SOX5: variants seen among roughly 807,000 people sequenced by gnomAD.
SOX5 encodes the protein SRY-box transcription factor 5.
Under a neutral mutation model 92.0 loss-of-function variants are expected in SOX5, and 9 were observed. That is an observed-to-expected ratio of 0.10 (90% CI 0.06 to 0.17). SOX5 has a LOEUF of 0.17. Among genes scored for constraint, SOX5 ranks in the 10% least tolerant of loss-of-function variants. The pLI is 1.00. For missense variants in SOX5, 642 were observed against 944.5 expected (o/e 0.68, Z 4.20); for synonymous variants, 344 against 336.3 (o/e 1.02, Z -0.25).
chr12:23,640,949 G>T, intron 7 of SOX5, 52 bp from the exon 8 acceptor site: 1 of 1,235,692 alleles, frequency 8.1e-7, no homozygotes, highest in East Asian at 2.4e-5. Context: ...CTCTCCACCT[G>T]CAAATTAAAC....
intron 4 of SOX5, among the ~76,000 whole-genome samples, chr12:23,976,269 T>C (rs1948875055): frequency 6.6e-6 from 1 of 151,172 alleles, no homozygotes; most frequent in African/African-American, 2.4e-5. Context: ...TACCAGACAG[T>C]TGTTTAATTC....
chr12:23,578,117 C>CAAAAAAAAA lies in SOX5; in HGVS notation c.1165-2288_1165-2280dup, dbSNP rs1163938652. On this transcript the variant is annotated intron_variant, in intron 9 of 14. Transcript: ENST00000451604. Reference sequence around the variant, plus strand: ...CCTGCGCAACAGAGTGAGACTGTGTCAAAAAAAAAAAAAAAAAAAAAAAAA... The same window carrying CAAAAAAAAA: ...CCTGCGCAACAGAGTGAGACTGTGTCAAAAAAAAAAAAAAAAAAAAAAAAAAAAAAAAAA... Among the ~76,000 whole-genome samples, 156 of 34,894 alleles carry CAAAAAAAAA rather than the reference C, an allele frequency of 4.5e-3. 28 individuals carry two copies. The highest frequency in any genetic ancestry group is 0.01 in the East Asian group (16 of 1,526). 22.9% of individuals were successfully genotyped at this position (34,894 alleles called of 152,430 possible).
At chr12:24,142,329 G>A (rs1950661665) in intron 4 of SOX5, among the ~76,000 whole-genome samples, 1 of 152,018 alleles carries the variant, frequency 6.6e-6, no homozygotes, top group African/African-American at 2.4e-5. Context: ...GGCATGGGAG[G>A]GAGACTTAGG....
chr12:23,913,135 C>T (rs773758093), intron 1 of SOX5, among the ~76,000 whole-genome samples: 6 of 151,912 alleles, frequency 3.9e-5, no homozygotes, highest in South Asian at 2.1e-4. Flanking sequence ...TAGAATTTGG[C>T]GCTAGACTTG....
chr12:24,408,672 C>T (rs751201258), intron 1 of SOX5, among the ~76,000 whole-genome samples: 2 of 152,110 alleles, frequency 1.3e-5, no homozygotes, highest in Non-Finnish European at 2.9e-5. Context: ...TCTAGGTTCA[C>T]GTATGTATCA....
chr12:23,673,722 A>G (rs889725283), intron 6 of SOX5, among the ~76,000 whole-genome samples: 13 of 140,506 alleles, frequency 9.3e-5, no homozygotes, highest in African/African-American at 3.1e-4. Flanking sequence ...TCAGTTCAAC[A>G]TAAGTTCTTT....
intron 2 of SOX5, among the ~76,000 whole-genome samples, chr12:24,349,589 A>T (rs1394187966): frequency 6.6e-6 from 1 of 152,214 alleles, no homozygotes; most frequent in African/African-American, 2.4e-5. Flanking sequence ...AGGCTTATTC[A>T]TATAATAGCA....
At chr12:24,225,505 G>T (rs1233495509) in intron 3 of SOX5, among the ~76,000 whole-genome samples, 1 of 150,168 alleles carries the variant, frequency 6.7e-6, no homozygotes, top group Non-Finnish European at 1.5e-5. Flanking sequence ...CCCACTTAGA[G>T]TTACATTTCA....
intron 9 of SOX5, among the ~76,000 whole-genome samples, chr12:23,577,148 T>TACAC (rs1306443727): frequency 1.8e-4 from 20 of 112,280 alleles, no homozygotes; most frequent in East Asian, 4.9e-4. Context: ...TATATATATA[T>TACAC]ATACACACAC....
chr12:24,486,910 C>T (rs117126774), intron 1 of SOX5, among the ~76,000 whole-genome samples: 2,651 of 152,112 alleles, frequency 0.017, 28 homozygotes, highest in Middle Eastern at 0.034. Flanking sequence ...CCAGTAGCAA[C>T]TCCCCCCAGC....
intron 8 of SOX5, among the ~76,000 whole-genome samples, chr12:23,626,134 GAT>G (rs2077757074): frequency 6.6e-6 from 1 of 151,982 alleles, no homozygotes; most frequent in Non-Finnish European, 1.5e-5. Flanking sequence ...AACGGAGAGA[GAT>G]AGTCAAGAAA....
chr12:24,545,851 G>A (rs757277658), intron 1 of SOX5, among the ~76,000 whole-genome samples: 1 of 152,126 alleles, frequency 6.6e-6, no homozygotes, highest in Non-Finnish European at 1.5e-5. Context: ...TAAAGGCCTG[G>A]CTCTGGGTCT....
intron 1 of SOX5, among the ~76,000 whole-genome samples, chr12:24,431,365 A>C (rs1217881513): frequency 6.6e-6 from 1 of 152,200 alleles, no homozygotes; most frequent in Non-Finnish European, 1.5e-5. Flanking sequence ...AGTCCCCATC[A>C]TGCTCTGCAT....
intron 4 of SOX5, among the ~76,000 whole-genome samples, chr12:24,076,707 T>G (rs1442227459): frequency 5.4e-5 from 8 of 147,586 alleles, no homozygotes; most frequent in African/African-American, 1.5e-4. Context: ...GCCTTTTTTT[T>G]TTTTTTTTTT....
intron 3 of SOX5, among the ~76,000 whole-genome samples, chr12:23,815,651 C>T (rs918175744): frequency 6.6e-6 from 1 of 152,098 alleles, no homozygotes; most frequent in Admixed American, 6.5e-5. Flanking sequence ...AGAGAAAATG[C>T]TACCTCCTAG....
At chr12:24,065,844 C>T (rs570402620) in intron 4 of SOX5, among the ~76,000 whole-genome samples, 1 of 152,156 alleles carries the variant, frequency 6.6e-6, no homozygotes, top group South Asian at 2.1e-4. Flanking sequence ...CTTCACTTTG[C>T]AAATGACAAA....
chr12:24,031,511 G>A (rs796622538), intron 4 of SOX5, among the ~76,000 whole-genome samples: 1 of 151,796 alleles, frequency 6.6e-6, no homozygotes, highest in Non-Finnish European at 1.5e-5. Context: ...GTAGAATGGT[G>A]GTTACCAGGA....
chr12:24,183,730 A>G (rs1471098970), intron 4 of SOX5, among the ~76,000 whole-genome samples: 1 of 152,192 alleles, frequency 6.6e-6, no homozygotes, highest in Admixed American at 6.5e-5. Context: ...CACATACAAA[A>G]TTAAGATTCC....
chr12:23,917,426 G>A (rs1177088564), intron 1 of SOX5, among the ~76,000 whole-genome samples: 2 of 152,110 alleles, frequency 1.3e-5, no homozygotes, highest in Non-Finnish European at 2.9e-5. Flanking sequence ...GGTGGCTCAT[G>A]CCTTTAATTC....
Sources: allele counts gnomAD v4.1 joint callset (sites outside exome capture counted in the v4.1 genomes callset), GRCh38; gene constraint gnomAD v4.1.1; transcripts MANE v1.5; gene names NCBI Gene and HGNC (gene_info 2026-07-23, HGNC 2026-07-21).